Variants in KDM2A observed in about 807,000 individuals in gnomAD.
KDM2A encodes lysine demethylase 2A.
A neutral mutation model predicts 137.3 loss-of-function variants in KDM2A; 3 were observed. That is an observed-to-expected ratio of 0.02 (90% CI 0.01 to 0.06). The LOEUF (loss-of-function observed/expected upper bound fraction) is 0.06. Ranked by LOEUF, KDM2A falls within the 10% of genes least tolerant of loss-of-function variation. The pLI is 1.00. For missense variants in KDM2A, 738 were observed against 1,510.6 expected, an observed-to-expected ratio of 0.49 and a Z score of 8.48; for synonymous variants, 512 against 541.5, an observed-to-expected ratio of 0.95 and a Z score of 0.76.
rs764581976 is a variant in KDM2A at position 67,224,828 on chromosome 11, A to ATTTTT, written c.958-3184_958-3180dup. 3.4e-3 allele frequency among the ~76,000 whole-genome samples: 226 copies of ATTTTT among 66,288 alleles called. 52 individuals are homozygous for ATTTTT. The highest frequency in any genetic ancestry group is 0.018 in the African/African-American group (220 of 12,006). The allele number at this position is 66,288 out of a possible 152,430, so 43.5% of individuals were successfully genotyped here. On this transcript the variant is annotated intron_variant, in intron 10 of 20. Coordinates refer to ENST00000529006, the MANE Select transcript of KDM2A (RefSeq NM_012308.3). ...ACCAGGGGCACTTGGCAGCTGCAGC[A>ATTTTT]TTTTTTTTTTTTTTTTTTTTTTTTT...
intron 12 of KDM2A, chr11:67,240,225 C>A (rs1342951854): frequency 1.3e-6 from 2 of 1,535,284 alleles, no homozygotes; most frequent in African/African-American, 2.7e-5. Context: ...CTGGGAGATT[C>A]CAGAATATTC....
intron 2 of KDM2A, among the ~76,000 whole-genome samples, chr11:67,170,444 G>C (rs1311025870): frequency 8.5e-6 from 1 of 116,984 alleles, no homozygotes; most frequent in Admixed American, 1.2e-4. Context: ...ATGGAGTCTC[G>C]CTCTGTCGCC....
chr11:67,134,926 T>G (rs571878630), intron 2 of KDM2A, among the ~76,000 whole-genome samples: 92 of 152,358 alleles, frequency 6.0e-4, no homozygotes, highest in African/African-American at 1.9e-3. Context: ...TTCACAAAAC[T>G]AACTTCATGG....
chr11:67,160,042 T>C (rs1856600813), intron 2 of KDM2A, among the ~76,000 whole-genome samples: 1 of 152,140 alleles, frequency 6.6e-6, no homozygotes, highest in Non-Finnish European at 1.5e-5. Flanking sequence ...CACATGAAAG[T>C]ATATGTCACT....
At chr11:67,213,973 C>T (rs1590792174) in intron 6 of KDM2A, among the ~76,000 whole-genome samples, 1 of 151,942 alleles carries the variant, frequency 6.6e-6, no homozygotes, top group Admixed American at 6.6e-5. Flanking sequence ...AGCAAACCTC[C>T]CATCTTAGCC....
chr11:67,192,433 CTTTTTTTT>C (rs921321640), intron 5 of KDM2A, among the ~76,000 whole-genome samples: 9 of 70,534 alleles, frequency 1.3e-4, no homozygotes, highest in African/African-American at 5.1e-4. Context: ...GTTTCCATTT[CTTTTTTTT>C]TTTTTTTTTT....
chr11:67,133,969 G>A lies in KDM2A; in HGVS notation c.42+12611G>A, dbSNP rs561867520. ...GGCCTCCCAAAGTGCTAGGATTAGA[G>A]GCGTGAGCCACCATGCCCGGCACCA... On this transcript the variant is annotated intron_variant, in intron 2 of 20. Coordinates refer to ENST00000529006, the MANE Select transcript of KDM2A (RefSeq NM_012308.3). 2.6e-5 allele frequency among the ~76,000 whole-genome samples: 4 copies of A among 152,314 alleles called. No individual in the cohort carries two copies. The South Asian group carries it at 6.2e-4, about 24-fold the overall frequency.
chr11:67,129,012 G>T (rs1405834570), intron 2 of KDM2A, among the ~76,000 whole-genome samples: 1 of 152,148 alleles, frequency 6.6e-6, no homozygotes, highest in Non-Finnish European at 1.5e-5. Flanking sequence ...GAGCCCAGGG[G>T]CTTAAGGCTG....
At chr11:67,141,468 C>A (rs1002093089) in intron 2 of KDM2A, among the ~76,000 whole-genome samples, 1 of 151,506 alleles carries the variant, frequency 6.6e-6, no homozygotes, top group Non-Finnish European at 1.5e-5. Flanking sequence ...AGATCGAGAC[C>A]ATCCTGGCTA....
At chr11:67,158,435 C>G (rs1178546358) in intron 2 of KDM2A, among the ~76,000 whole-genome samples, 1 of 152,152 alleles carries the variant, frequency 6.6e-6, no homozygotes. Context: ...TTCATTGAGT[C>G]AGCACATTTT....
chr11:67,206,313 C>T (rs540339997), intron 5 of KDM2A, among the ~76,000 whole-genome samples: 33 of 152,322 alleles, frequency 2.2e-4, no homozygotes, highest in Admixed American at 1.2e-3. Context: ...CGGCCATATT[C>T]CCAGCTACTT....
In KDM2A at chr11:67,141,966, T is replaced by A. The variant is rs979335292; in HGVS notation, c.42+20608T>A. Among the ~76,000 whole-genome samples, 5 of 152,072 alleles carry A rather than the reference T, an allele frequency of 3.3e-5. 1 individual carries two copies. On this transcript the variant is annotated intron_variant, in intron 2 of 20. Transcript: ENST00000529006. ...GTTTATTTCATGTTATTTAATATTC[T>A]CCAATTCCATCCATGTTCCGAAAAT...
chr11:67,167,998 G>A (rs1176126944), intron 2 of KDM2A, among the ~76,000 whole-genome samples: 2 of 152,104 alleles, frequency 1.3e-5, no homozygotes, highest in African/African-American at 4.8e-5. Context: ...TTGGGCCTAA[G>A]GCTTAGTCAT....
At position 67,250,037 on chromosome 11, in the gene KDM2A, T is replaced by A. The variant is rs984910725; in HGVS notation, c.2056-49T>A. On this transcript the variant is annotated intron_variant, in intron 16 of 20. Transcript: ENST00000529006. This position sits in a 1 kb window ranked among gnomAD's most constrained non-coding sequence, Gnocchi z 7.1. Reference sequence around the variant, plus strand: ...AGGTCCACCCTGTCGGTTCAGAGGGTTTGGAAGAAAGGAAGCACTGATGTT... The same window carrying A: ...AGGTCCACCCTGTCGGTTCAGAGGGATTGGAAGAAAGGAAGCACTGATGTT... 1.4e-6 allele frequency: 2 copies of A among 1,471,498 alleles called. No individual in the cohort carries two copies. Among genetic ancestry groups the A allele is most frequent in the Non-Finnish European group, 9.2e-7 (1 of 1,087,580 alleles). 91.2% of individuals were successfully genotyped at this position (1,471,498 alleles called of 1,614,324 possible).
At chr11:67,236,017 A>T (rs1858862115) in intron 12 of KDM2A, among the ~76,000 whole-genome samples, 1 of 152,240 alleles carries the variant, frequency 6.6e-6, no homozygotes, top group Non-Finnish European at 1.5e-5. Flanking sequence ...CCATCCCATT[A>T]ATGTAAGAAA....
At chr11:67,152,905 AGTGTGTGTGTGTGTGTGTGTGTGTGTGT>A (rs146532672) in intron 2 of KDM2A, among the ~76,000 whole-genome samples, 1 of 142,644 alleles carries the variant, frequency 7.0e-6, no homozygotes, top group African/African-American at 2.6e-5. Flanking sequence ...ACAGTGCCAG[AGTGTGTGTGTGTGTGTGTGTGTGTGTGT>A]GTGTGTGTGT....
intron 5 of KDM2A, among the ~76,000 whole-genome samples, chr11:67,193,881 C>T (rs866711009): frequency 1.3e-5 from 2 of 152,060 alleles, no homozygotes; most frequent in East Asian, 1.9e-4. Context: ...TACATACATA[C>T]GTATTTATTG....
chr11:67,170,441 C>T (rs1471789952), intron 2 of KDM2A, among the ~76,000 whole-genome samples: 2 of 108,278 alleles, frequency 1.8e-5, no homozygotes, highest in Non-Finnish European at 3.4e-5. Context: ...GAGATGGAGT[C>T]TCGCTCTGTC....
At chr11:67,148,369 T>G (rs1804720330) in intron 2 of KDM2A, among the ~76,000 whole-genome samples, 2 of 152,038 alleles carry the variant, frequency 1.3e-5, no homozygotes, top group South Asian at 2.1e-4. Context: ...TGCAGTGAGC[T>G]GTGATTGCAC....
Sources: gnomAD v4.1 joint callset for allele counts (sites outside exome capture counted in the v4.1 genomes callset) on GRCh38, gnomAD v4.1.1 for gene constraint, Gnocchi (gnomAD v3.1) non-coding constraint, MANE v1.5 for transcripts, NCBI Gene and HGNC (gene_info 2026-07-23, HGNC 2026-07-21) for gene names.